LMO7: variants seen among roughly 807,000 people sequenced by gnomAD.
LMO7 encodes LIM domain only protein 7.
A neutral mutation model predicts 206.5 loss-of-function variants in LMO7; 120 were observed. The ratio of observed to expected loss-of-function variants is 0.58; its 90% CI spans 0.50 to 0.68. LMO7 has a LOEUF of 0.68. LMO7 is among the 30% of genes least tolerant of loss of function. The probability of loss-of-function intolerance (pLI) is 0.00; values close to 1 mark genes in which losing one functional copy is unlikely to be tolerated. For synonymous variants in LMO7, 706 were observed against 681.5 expected (o/e 1.04, Z -0.56); for missense variants, 1,959 against 1,957.9 (o/e 1.00, Z -0.01).
At position 75,796,353 on chromosome 13, in the gene LMO7, C is replaced by T. The variant is rs117192276; in HGVS notation, c.349-283C>T. 5.4e-3 allele frequency among the ~76,000 whole-genome samples: 816 copies of T among 152,250 alleles called. 4 individuals are homozygous for T. Among genetic ancestry groups the T allele is most frequent in the Non-Finnish European group, 9.1e-3 (620 of 68,016 alleles). On this transcript the variant is annotated intron_variant, in intron 5 of 30. Transcript: ENST00000377534. ...TTTAAAAGTTTCATTTGTGTTTTCTCTTATTTTTTTCCCTCTTCGTATATA... is the reference window on the plus strand; with the variant it reads ...TTTAAAAGTTTCATTTGTGTTTTCTTTTATTTTTTTCCCTCTTCGTATATA...
chr13:75,824,472 T>G (rs1271905317), intron 15 of LMO7, among the ~76,000 whole-genome samples: 1 of 152,076 alleles, frequency 6.6e-6, no homozygotes, highest in Non-Finnish European at 1.5e-5. Context: ...ACATTTGGAG[T>G]CCAAACAAAA....
chr13:75,830,888 C>G (rs901480878), intron 15 of LMO7, among the ~76,000 whole-genome samples: 10 of 152,148 alleles, frequency 6.6e-5, no homozygotes, highest in Admixed American at 3.9e-4. Flanking sequence ...TTTTATTCTT[C>G]AAGCTATAAA....
intron 11 of LMO7, among the ~76,000 whole-genome samples, chr13:75,814,400 AC>A (rs1262412612): frequency 1.3e-5 from 2 of 152,198 alleles, no homozygotes; most frequent in Non-Finnish European, 2.9e-5. Context: ...ACACACAGAC[AC>A]ACATGCACTG....
chr13:75,701,794 A>T (rs2042300938), intron 1 of LMO7, among the ~76,000 whole-genome samples: 1 of 152,212 alleles, frequency 6.6e-6, no homozygotes, highest in African/African-American at 2.4e-5. Flanking sequence ...TGTTAACATA[A>T]TGAAGCATAG....
intron 1 of LMO7, among the ~76,000 whole-genome samples, chr13:75,658,009 T>A (rs1026564725): frequency 2.0e-5 from 3 of 152,122 alleles, no homozygotes; most frequent in Admixed American, 6.5e-5. Context: ...TTGGATTTTA[T>A]GTTTGTGTGA....
At chr13:75,735,417 G>A (rs1330442252) in intron 3 of LMO7, among the ~76,000 whole-genome samples, 1 of 152,006 alleles carries the variant, frequency 6.6e-6, no homozygotes. Context: ...GTCAGAAGAG[G>A]TTTGTTATTT....
upstream of LMO7, among the ~76,000 whole-genome samples, chr13:75,635,028 C>CAAAAA (rs984451343): frequency 0.016 from 2,213 of 135,780 alleles, 63 homozygotes; most frequent in African/African-American, 0.052. Flanking sequence ...CAAAACAAAA[C>CAAAAA]AAAACAAAAC....
chr13:75,821,883 T>C (rs1222163909), intron 14 of LMO7, among the ~76,000 whole-genome samples: 3 of 152,198 alleles, frequency 2.0e-5, no homozygotes, highest in African/African-American at 7.2e-5. Flanking sequence ...TATTTTATAA[T>C]GTCTTTTTTT....
At chr13:75,671,227 G>A (rs529958887) in intron 1 of LMO7, among the ~76,000 whole-genome samples, 1 of 143,822 alleles carries the variant, frequency 7.0e-6, no homozygotes, top group African/African-American at 2.5e-5. Flanking sequence ...TTTTTAATAA[G>A]TACATTCTAA....
At chr13:75,772,023 G>A (rs960045820) in intron 4 of LMO7, among the ~76,000 whole-genome samples, 3 of 152,042 alleles carry the variant, frequency 2.0e-5, no homozygotes, top group African/African-American at 7.2e-5. Context: ...TTCTCTGGTT[G>A]CAGAAAAGAG....
intron 12 of LMO7, among the ~76,000 whole-genome samples, chr13:75,818,546 G>A (rs999865357): frequency 6.6e-6 from 1 of 152,140 alleles, no homozygotes; most frequent in East Asian, 1.9e-4. Flanking sequence ...AGGTTTCTGG[G>A]GGGGATTGAA....
chr13:75,822,531 A>G (rs2057681115), intron 14 of LMO7, among the ~76,000 whole-genome samples: 1 of 152,084 alleles, frequency 6.6e-6, no homozygotes, highest in Non-Finnish European at 1.5e-5. Context: ...CAAAATGAAT[A>G]TAGAAAAGTA....
chr13:75,641,213 C>G (rs150950189), intron 1 of LMO7, among the ~76,000 whole-genome samples: 124 of 152,306 alleles, frequency 8.1e-4, no homozygotes, highest in African/African-American at 2.6e-3. Flanking sequence ...GGCAAGCACA[C>G]AGAGAAGGCA....
chr13:75,771,497 A>T (rs1018109933), intron 4 of LMO7, among the ~76,000 whole-genome samples: 1 of 72,322 alleles, frequency 1.4e-5, no homozygotes, highest in Non-Finnish European at 3.1e-5. Flanking sequence ...ATACTATCAC[A>T]CTTTGACCTT....
At chr13:75,720,410 C>T (rs914935897) in intron 2 of LMO7, among the ~76,000 whole-genome samples, 1 of 152,126 alleles carries the variant, frequency 6.6e-6, no homozygotes. Context: ...CATTGTCAAA[C>T]CTAAAGTCTC....
intron 3 of LMO7, among the ~76,000 whole-genome samples, chr13:75,731,223 G>T (rs2138777135): frequency 6.6e-6 from 1 of 152,314 alleles, no homozygotes; most frequent in Admixed American, 6.5e-5. Flanking sequence ...AATGTTGACA[G>T]TGGGGTGTTA....
At chr13:75,819,819 G>A (rs1201043475) in intron 13 of LMO7, among the ~76,000 whole-genome samples, 3 of 152,190 alleles carry the variant, frequency 2.0e-5, no homozygotes. Context: ...TGTTGGCTGT[G>A]TCTGATGCAG....
intron 1 of LMO7, among the ~76,000 whole-genome samples, chr13:75,649,120 A>C (rs1197732207): frequency 6.6e-6 from 1 of 152,222 alleles, no homozygotes; most frequent in Non-Finnish European, 1.5e-5. Context: ...CTAGTAGTCT[A>C]CTTAGTATGG....
chr13:75,697,402 A>T (rs1444529660), intron 1 of LMO7, among the ~76,000 whole-genome samples: 2 of 152,218 alleles, frequency 1.3e-5, no homozygotes. Flanking sequence ...GATGTCTTAC[A>T]TGATGGCAGG....
Sources: gnomAD v4.1 joint callset for allele counts (sites outside exome capture counted in the v4.1 genomes callset) on GRCh38, gnomAD v4.1.1 for gene constraint, MANE v1.5 for transcripts, NCBI Gene and HGNC (gene_info 2026-07-23, HGNC 2026-07-21) for gene names.